The following WDR1 variants were observed in gnomAD, a reference collection of about 807,000 sequenced individuals.
WDR1 encodes WD repeat-containing protein 1.
Under a neutral mutation model 71.9 loss-of-function variants are expected in WDR1, and 21 were observed. The observed-to-expected ratio is 0.29, with a 90% confidence interval of 0.21 to 0.42. The LOEUF is 0.42. WDR1 is among the 10% of genes least tolerant of loss of function. The pLI, the probability that WDR1 is intolerant of heterozygous loss-of-function variation, is 1.00. For missense variants in WDR1, 696 were observed against 824.5 expected (o/e 0.84, Z 1.91); for synonymous variants, 424 against 347.4 (o/e 1.22, Z -2.45).
At chr4:10,104,115 C>T (rs3756224) in intron 2 of WDR1, 129 bp from the exon 3 acceptor site, 347,719 of 970,780 alleles carry the variant, frequency 0.36, 65,575 homozygotes, top group East Asian at 0.6. Flanking sequence ...GTGAAGAAAA[C>T]CGCAGAAGCA....
intron 2 of WDR1, among the ~76,000 whole-genome samples, chr4:10,113,977 C>T (rs1713552373): frequency 6.6e-6 from 1 of 152,148 alleles, no homozygotes; most frequent in Non-Finnish European, 1.5e-5. Context: ...TTCCCTCTTC[C>T]CTCCCTGAGC....
chr4:10,101,068 C>G (rs2109683200), intron 3 of WDR1, among the ~76,000 whole-genome samples: 1 of 152,406 alleles, frequency 6.6e-6, no homozygotes, highest in East Asian at 1.9e-4. Flanking sequence ...ACACGCCTGT[C>G]ACATGGCCCT....
At chr4:10,100,025 G>C (rs1026515791) in intron 3 of WDR1, among the ~76,000 whole-genome samples, 2 of 152,194 alleles carry the variant, frequency 1.3e-5, no homozygotes, top group Non-Finnish European at 2.9e-5. Flanking sequence ...CTGTGTTGGC[G>C]TGAAGAAATG....
chr4:10,088,316 C>G lies in WDR1; in HGVS notation c.694G>C (p.Ala232Pro). The change falls in exon 7 of 15, where the codon GCC becomes CCC. Residue 232 changes from alanine to proline, a missense_variant. Physicochemically the swap from Ala to Pro is conservative, Grantham distance 27. Transcript: ENST00000499869. ...EKVCALGGSKAHDGGIYAISW... is the reference protein window; with the variant it reads ...EKVCALGGSKPHDGGIYAISW... ...ACTGCGTAAATCCCACCGTCGTGGG[C>G]CTTGCTTCCGCCCAGCGCGCACACC... 3 of 1,556,940 alleles carry G rather than the reference C, an allele frequency of 1.9e-6. No individual in the cohort carries two copies. Among genetic ancestry groups the G allele is most frequent in the Non-Finnish European group, 2.6e-6 (3 of 1,149,898 alleles).
intron 6 of WDR1, 78 bp downstream of exon 6, chr4:10,088,586 G>A: frequency 7.6e-7 from 1 of 1,322,690 alleles, no homozygotes; most frequent in Non-Finnish European, 1.1e-6. Context: ...ACTAGCATTA[G>A]GCAGCCTGCG....
At chr4:10,080,187 A>T (rs1029930739) in intron 11 of WDR1, among the ~76,000 whole-genome samples, 6 of 152,174 alleles carry the variant, frequency 3.9e-5, no homozygotes, top group South Asian at 2.1e-4. Context: ...CAGTCTGAAC[A>T]TCCTCTCAGC....
chr4:10,109,929 T>C (rs1472594637), intron 2 of WDR1, among the ~76,000 whole-genome samples: 1 of 152,194 alleles, frequency 6.6e-6, no homozygotes, highest in African/African-American at 2.4e-5. Flanking sequence ...CTTTACGAAT[T>C]AGCTCCGTTA....
intron 5 of WDR1, among the ~76,000 whole-genome samples, chr4:10,094,036 C>T (rs556283450): frequency 1.1e-4 from 16 of 152,330 alleles, no homozygotes; most frequent in Admixed American, 3.9e-4. Flanking sequence ...ATGAGGTCCC[C>T]GCAGGGCAGA....
At chr4:10,079,174 G>A (rs1338251578) in intron 11 of WDR1, among the ~76,000 whole-genome samples, 173 bp from the exon 12 acceptor site, 7 of 152,208 alleles carry the variant, frequency 4.6e-5, no homozygotes, top group South Asian at 2.1e-4. Flanking sequence ...CTCATGTCCC[G>A]TTTGACAGTT....
intron 2 of WDR1, chr4:10,106,520 G>A (rs939362403): frequency 6.6e-6 from 1 of 152,280 alleles, no homozygotes; most frequent in African/African-American, 2.4e-5. Flanking sequence ...CTCCCAGCCT[G>A]GACGACCTCC....
At chr4:10,116,091 G>A (rs758387465) in intron 2 of WDR1, 22 bp downstream of exon 2, 15 of 1,606,536 alleles carry the variant, frequency 9.3e-6, no homozygotes, top group Non-Finnish European at 1.3e-5. Context: ...GCAGAACCGC[G>A]CCCGGGGTAG....
At chr4:10,107,551 C>T (rs547977021) in intron 2 of WDR1, among the ~76,000 whole-genome samples, 21 of 152,318 alleles carry the variant, frequency 1.4e-4, no homozygotes, top group African/African-American at 4.6e-4. Context: ...GGGCTGACTA[C>T]CCCAACCCAT....
At chr4:10,077,040 G>A (rs2109631212) in intron 14 of WDR1, 1 of 461,290 alleles carries the variant, frequency 2.2e-6, no homozygotes, top group Non-Finnish European at 3.9e-6. Flanking sequence ...GGGGTGAGTG[G>A]GGGAAGTGAA....
intron 5 of WDR1, chr4:10,093,209 T>G: frequency 8.3e-7 from 1 of 1,210,748 alleles, no homozygotes; most frequent in Non-Finnish European, 1.1e-6. Context: ...GCCCACCCCA[T>G]TCCCCCCAGC....
At chr4:10,095,414 C>T (rs764900283) in intron 5 of WDR1, among the ~76,000 whole-genome samples, 5 of 152,208 alleles carry the variant, frequency 3.3e-5, no homozygotes, top group Non-Finnish European at 5.9e-5. Context: ...AGCCCACATA[C>T]GGGAGGAAGC....
intron 2 of WDR1, among the ~76,000 whole-genome samples, chr4:10,107,799 C>G (rs543121297): frequency 1.4e-4 from 21 of 152,308 alleles, no homozygotes; most frequent in African/African-American, 4.6e-4. Context: ...CACACGCGAG[C>G]AGACCCAGGA....
chr4:10,114,667 C>T (rs1713600710), intron 2 of WDR1, among the ~76,000 whole-genome samples: 2 of 152,226 alleles, frequency 1.3e-5, no homozygotes, highest in Admixed American at 1.3e-4. Context: ...TTTTTATTTT[C>T]TCAAAAGCCT....
At chr4:10,116,546 C>A in intron 1 of WDR1, 105 bp downstream of exon 1, 1 of 918,888 alleles carries the variant, frequency 1.1e-6, no homozygotes, top group Admixed American at 5.4e-5. Flanking sequence ...CGCACCCCTC[C>A]CCCGCGCCGA....
chr4:10,084,937 A>G (rs966965560), intron 8 of WDR1, among the ~76,000 whole-genome samples: 3 of 152,230 alleles, frequency 2.0e-5, no homozygotes, highest in African/African-American at 7.2e-5. Context: ...CGCTGGCCAC[A>G]TTCGCTTCAG....
Sources: gnomAD v4.1 joint callset for allele counts (sites outside exome capture counted in the v4.1 genomes callset) on GRCh38, gnomAD v4.1.1 for gene constraint, MANE v1.5 for transcripts, NCBI Gene and HGNC (gene_info 2026-07-23, HGNC 2026-07-21) for gene names.